The following TAFA2 variants were observed in gnomAD, a reference collection of about 807,000 sequenced individuals.
TAFA2 encodes TAFA chemokine like family member 2.
Under a neutral mutation model 18.8 loss-of-function variants are expected in TAFA2, and 7 were observed. That is an observed-to-expected ratio of 0.37 (90% CI 0.21 to 0.70). TAFA2 has a LOEUF of 0.70. TAFA2 is among the 30% of genes least tolerant of loss of function. TAFA2 has a pLI of 0.53. For missense variants in TAFA2, 122 were observed against 158.1 expected (o/e 0.77, Z 1.23); for synonymous variants, 60 against 54.2 (o/e 1.11, Z -0.47).
intron 4 of TAFA2, among the ~76,000 whole-genome samples, chr12:61,721,089 G>C (rs961171112): frequency 3.3e-5 from 5 of 152,056 alleles, no homozygotes; most frequent in African/African-American, 1.2e-4. Context: ...ATCTCTCTTA[G>C]AAGATTATAT....
chr12:62,161,836 G>A (rs924470305), intron 1 of TAFA2, among the ~76,000 whole-genome samples: 1 of 152,078 alleles, frequency 6.6e-6, no homozygotes, highest in Admixed American at 6.6e-5. Flanking sequence ...GTATTTCAAT[G>A]TTTAATATTA....
intron 1 of TAFA2, among the ~76,000 whole-genome samples, chr12:62,190,727 A>G (rs978252206): frequency 2.0e-5 from 3 of 152,168 alleles, no homozygotes; most frequent in African/African-American, 7.2e-5. Context: ...ATAAATCAAT[A>G]GACTCGCTGA....
intron 1 of TAFA2, among the ~76,000 whole-genome samples, chr12:61,899,006 G>A (rs1486892175): frequency 6.6e-6 from 1 of 152,116 alleles, no homozygotes; most frequent in African/African-American, 2.4e-5. Context: ...TAGGGCAGGG[G>A]CAAAATGGCA....
chr12:62,205,283 T>TG (rs540512186), intron 1 of TAFA2, among the ~76,000 whole-genome samples: 16 of 152,256 alleles, frequency 1.1e-4, no homozygotes, highest in Admixed American at 3.9e-4. Context: ...TGACCACTCT[T>TG]GGGGGGGTCT....
intron 1 of TAFA2, among the ~76,000 whole-genome samples, chr12:62,106,115 C>T (rs528026417): frequency 6.6e-6 from 1 of 151,916 alleles, no homozygotes; most frequent in Non-Finnish European, 1.5e-5. Context: ...GGCAGATCAC[C>T]TCAGGTCAGG....
intron 1 of TAFA2, among the ~76,000 whole-genome samples, chr12:62,128,686 C>A (rs896506082): frequency 6.6e-6 from 1 of 151,938 alleles, no homozygotes; most frequent in Admixed American, 6.6e-5. Flanking sequence ...ATGTTTATGC[C>A]CCTTGTTCCC....
At chr12:62,122,184 T>C (rs971861470) in intron 1 of TAFA2, among the ~76,000 whole-genome samples, 4 of 152,202 alleles carry the variant, frequency 2.6e-5, no homozygotes, top group Admixed American at 1.3e-4. Context: ...CAAGTTTACC[T>C]ATGTAAAAAA....
At chr12:61,776,129 T>C (rs1184008846) in intron 2 of TAFA2, 3 of 420,472 alleles carry the variant, frequency 7.1e-6, no homozygotes, top group African/African-American at 4.2e-5. Flanking sequence ...TTACCTAGCA[T>C]GCTGTTGGCA....
chr12:61,806,603 G>A (rs1036629185), intron 2 of TAFA2, among the ~76,000 whole-genome samples: 4 of 152,210 alleles, frequency 2.6e-5, no homozygotes, highest in African/African-American at 9.7e-5. Flanking sequence ...ATTGTTTGGA[G>A]GGGTCAGAAG....
chr12:62,065,654 C>T (rs1339814490), intron 1 of TAFA2, among the ~76,000 whole-genome samples: 9 of 151,804 alleles, frequency 5.9e-5, no homozygotes, highest in Non-Finnish European at 1.2e-4. Flanking sequence ...TTTTTAAAAT[C>T]ATATGGTTTC....
At chr12:61,749,644 C>T (rs1868912257) in intron 4 of TAFA2, among the ~76,000 whole-genome samples, 1 of 151,926 alleles carries the variant, frequency 6.6e-6, no homozygotes, top group African/African-American at 2.4e-5. Flanking sequence ...AATTACAGAG[C>T]TCTTATCTGC....
At chr12:62,130,885 G>T (rs1007425525) in intron 1 of TAFA2, among the ~76,000 whole-genome samples, 3 of 151,990 alleles carry the variant, frequency 2.0e-5, no homozygotes, top group Non-Finnish European at 4.4e-5. Flanking sequence ...ATTAAACTGT[G>T]AAAATCTCTT....
chr12:62,062,956 T>A (rs935024181), intron 1 of TAFA2, among the ~76,000 whole-genome samples: 1 of 152,078 alleles, frequency 6.6e-6, no homozygotes, highest in African/African-American at 2.4e-5. Flanking sequence ...TTTTTCTTCT[T>A]TCTCTTTCTG....
intron 1 of TAFA2, among the ~76,000 whole-genome samples, chr12:61,989,820 T>G (rs189703159): frequency 4.6e-5 from 7 of 152,314 alleles, no homozygotes. Flanking sequence ...CAATTACCCA[T>G]GCTGGAGCCT....
At chr12:62,021,723 C>T (rs912760154) in intron 1 of TAFA2, 3 of 1,505,200 alleles carry the variant, frequency 2.0e-6, no homozygotes, top group Non-Finnish European at 2.8e-6. Context: ...AGTTGGGTCC[C>T]AAGGCAGCAT....
In TAFA2 at chr12:62,234,923, C is replaced by T. The variant is rs1302547993; in HGVS notation, c.-130+23840G>A. On this transcript the variant is annotated intron_variant, in intron 1 of 5. Transcript: ENST00000551619. ...TCTTGTGGGGGCAACATCTGAGCCA[C>T]GGAGGGGGCATAGCCTGGGCCTCAG... 6.2e-5 allele frequency: 52 copies of T among 838,336 alleles called. No individual in the cohort carries two copies. In the Middle Eastern group the frequency reaches 7.0e-4, roughly 11 times the overall value. 51.9% of individuals were successfully genotyped at this position (838,336 alleles called of 1,614,324 possible). A position where few individuals can be genotyped will look rare whatever the true frequency, so the allele number is the denominator to read the frequency against.
At chr12:61,974,965 G>A (rs529971752) in intron 1 of TAFA2, among the ~76,000 whole-genome samples, 3 of 151,736 alleles carry the variant, frequency 2.0e-5, no homozygotes, top group African/African-American at 7.2e-5. Context: ...AATTACTTTG[G>A]GATGATTTAG....
intron 1 of TAFA2, among the ~76,000 whole-genome samples, chr12:62,025,937 C>G (rs756502789): frequency 3.3e-5 from 5 of 151,962 alleles, no homozygotes; most frequent in Non-Finnish European, 7.4e-5. Flanking sequence ...GTAGTCAAGA[C>G]GAAATTAACT....
At chr12:62,149,135 A>G (rs1402016956) in intron 1 of TAFA2, among the ~76,000 whole-genome samples, 9 of 152,332 alleles carry the variant, frequency 5.9e-5, no homozygotes, top group Non-Finnish European at 1.5e-5. Flanking sequence ...AGACAAAAAG[A>G]TTCATGAACC....
Sources: allele counts gnomAD v4.1 joint callset (sites outside exome capture counted in the v4.1 genomes callset), GRCh38; gene constraint gnomAD v4.1.1; transcripts MANE v1.5; gene names NCBI Gene and HGNC (gene_info 2026-07-23, HGNC 2026-07-21).